The following ATXN2 variants were observed in gnomAD, a reference collection of about 807,000 sequenced individuals.
ATXN2 encodes ataxin 2.
Under a neutral mutation model 138.6 loss-of-function variants are expected in ATXN2, and 37 were observed. That is an observed-to-expected ratio of 0.27 (90% confidence interval 0.21 to 0.35). The LOEUF is 0.35. Ranked by LOEUF, ATXN2 falls within the 10% of genes least tolerant of loss-of-function variation. The pLI is 1.00. For missense variants in ATXN2, 1,216 were observed against 1,480.3 expected, an observed-to-expected ratio of 0.82 and a Z score of 2.93; for synonymous variants, 549 against 543.7, an observed-to-expected ratio of 1.01 and a Z score of -0.13.
At chr12:111,532,768 G>A (rs1354054363) in intron 5 of ATXN2, among the ~76,000 whole-genome samples, 1 of 150,946 alleles carries the variant, frequency 6.6e-6, no homozygotes, top group Non-Finnish European at 1.5e-5. Context: ...CTGACAAGCA[G>A]GAAGAAAGAG....
chr12:111,478,322 C>T (rs1298741953), intron 18 of ATXN2, among the ~76,000 whole-genome samples: 5 of 152,082 alleles, frequency 3.3e-5, no homozygotes, highest in African/African-American at 1.2e-4. Context: ...GTAAGAATTG[C>T]TTGAACCTGG....
In ATXN2 at chr12:111,516,329, G is replaced by A. The variant is rs764264233; in HGVS notation, c.1200C>T (p.Ser400=). The change falls in exon 10 of 25, where the codon TCC becomes TCT. Residue 400 remains serine (S), a synonymous_variant. Transcript: ENST00000673436. The surrounding 1 kb of genome is among the most constrained non-coding windows in gnomAD (Gnocchi z 5.0). ...VPWPSPCPSP[S]SRPPSRYQSG... Reference sequence around the variant, plus strand: ...ACTGGTAGCGAGAAGGTGGGCGAGAGGAAGGAGATGGGCAAGGCGATGGCC... The same window carrying A: ...ACTGGTAGCGAGAAGGTGGGCGAGAAGAAGGAGATGGGCAAGGCGATGGCC... The A allele has an allele frequency of 3.2e-5, 50 of 1,585,034 alleles. No individual in the cohort carries two copies. The highest frequency in any genetic ancestry group is 6.9e-5 in the East Asian group (3 of 43,222).
At chr12:111,522,235 A>T (rs1880200567) in intron 6 of ATXN2, among the ~76,000 whole-genome samples, 3 of 152,022 alleles carry the variant, frequency 2.0e-5, no homozygotes, top group Admixed American at 2.0e-4. Flanking sequence ...ACATAAAAAA[A>T]AAAAAAAAAA....
At chr12:111,482,834 A>T (rs1877343340) in intron 18 of ATXN2, 1 of 140,676 alleles carries the variant, frequency 7.1e-6, no homozygotes, top group East Asian at 2.0e-4. Context: ...TTCCAAGGCT[A>T]AAAAAAAAAA....
At chr12:111,455,754 G>C in intron 23 of ATXN2, 1 of 529,992 alleles carries the variant, frequency 1.9e-6, no homozygotes, top group Non-Finnish European at 3.4e-6. Flanking sequence ...GACACAGAAA[G>C]GAAAGAAGGA....
intron 9 of ATXN2, among the ~76,000 whole-genome samples, chr12:111,517,690 C>G (rs1002002114): frequency 6.6e-6 from 1 of 152,068 alleles, no homozygotes; most frequent in African/African-American, 2.4e-5. Flanking sequence ...CTGTAACATC[C>G]ACCCTTAGAC....
At chr12:111,507,546 C>G (rs1879231249) in intron 14 of ATXN2, among the ~76,000 whole-genome samples, 1 of 148,786 alleles carries the variant, frequency 6.7e-6, no homozygotes, top group African/African-American at 2.5e-5. Context: ...GGTGGGGGGT[C>G]AGCCCCCGCC....
intron 14 of ATXN2, among the ~76,000 whole-genome samples, chr12:111,507,715 G>GA (rs1879248728): frequency 6.6e-6 from 1 of 152,282 alleles, no homozygotes; most frequent in Non-Finnish European, 1.5e-5. Context: ...TTGTGGAATA[G>GA]AAAAGGGGGA....
intron 1 of ATXN2, among the ~76,000 whole-genome samples, chr12:111,588,343 T>C (rs1884450719): frequency 6.6e-6 from 1 of 152,014 alleles, no homozygotes; most frequent in Admixed American, 6.6e-5. Flanking sequence ...CAAACACAAA[T>C]AATTACCAGC....
chr12:111,599,486 C>T, upstream of ATXN2: 2 of 1,215,182 alleles, frequency 1.6e-6, no homozygotes. Flanking sequence ...CACCGCGGGA[C>T]TCCGAGGAGC....
At position 111,513,408 on chromosome 12, in the gene ATXN2, C is replaced by G. The variant is rs1879660073; in HGVS notation, c.1507G>C (p.Val503Leu). The change falls in exon 11 of 25, where the codon GTA (valine) becomes CTA (leucine). Residue 503 changes from valine (V) to leucine (L), a missense_variant. This residue lies in a region of ATXN2 where 215 missense variants were observed against 210.0 expected (regional missense o/e 1.02). Transcript: ENST00000673436. ...NPPSEAATPP[V>L]ARTSPSGGTW... ...CCCCCCGAGGGACTGGTCCTTGCTA[C>G]TGGAGGAGTAGCTGCTTCACTGGGT... is the stretch of plus-strand genomic sequence containing the variant. The G allele has an allele frequency of 6.2e-7, 1 of 1,613,934 alleles. No homozygotes were observed. The highest frequency in any genetic ancestry group is 1.3e-5 in the African/African-American group (1 of 74,910).
chr12:111,486,708 A>G, intron 16 of ATXN2, 53 bp downstream of exon 16: 1 of 1,462,360 alleles, frequency 6.8e-7, no homozygotes, highest in Non-Finnish European at 9.5e-7. Flanking sequence ...ACTATTACTA[A>G]TAATTTTTCT....
chr12:111,554,260 A>G, intron 2 of ATXN2, 43 bp from the exon 3 acceptor site: 1 of 1,265,790 alleles, frequency 7.9e-7, no homozygotes, highest in African/African-American at 1.6e-5. Context: ...AATTAGTACA[A>G]ACTGAATCTT....
At chr12:111,550,495 T>C (rs1222170936) in intron 5 of ATXN2, among the ~76,000 whole-genome samples, 1 of 151,936 alleles carries the variant, frequency 6.6e-6, no homozygotes, top group Non-Finnish European at 1.5e-5. Flanking sequence ...CTTTCCAGAG[T>C]GCTATGTATT....
chr12:111,574,483 A>G (rs1202383692), intron 1 of ATXN2, among the ~76,000 whole-genome samples: 3 of 151,762 alleles, frequency 2.0e-5, no homozygotes, highest in Admixed American at 1.3e-4. Flanking sequence ...GATGGTATAC[A>G]GTGGCGCAAT....
chr12:111,592,008 G>T (rs1884689454), intron 1 of ATXN2, among the ~76,000 whole-genome samples: 2 of 151,572 alleles, frequency 1.3e-5, no homozygotes, highest in South Asian at 4.2e-4. Context: ...CTTGAACCCG[G>T]GAAACAGAGG....
rs1231856593 is a variant in ATXN2, at chr12:111,452,231, TTTTA to T, written c.*577_*580del. On this transcript the variant is annotated 3_prime_UTR_variant, in exon 25 of 25. Coordinates refer to ENST00000673436, the MANE Select transcript of ATXN2 (RefSeq NM_001372574.1). Reference sequence around the variant, plus strand: ...TAACTTGATCAGTTTTTAAAACTTTTTTTATTTTTTAAATTTTTTTTAAGTTTTT... The same window carrying T: ...TAACTTGATCAGTTTTTAAAACTTTTTTTTTTAAATTTTTTTTAAGTTTTT... The T allele has an allele frequency of 6.6e-6, 1 of 152,448 alleles. No individual in the cohort carries two copies. The highest frequency in any genetic ancestry group is 1.5e-5 in the Non-Finnish European group (1 of 68,046). 9.4% of individuals were successfully genotyped at this position (152,448 alleles called of 1,614,324 possible).
At chr12:111,489,000 A>G (rs1485078637) in intron 14 of ATXN2, among the ~76,000 whole-genome samples, 1 of 152,172 alleles carries the variant, frequency 6.6e-6, no homozygotes, top group East Asian at 1.9e-4. Flanking sequence ...CCTAGCCTCT[A>G]AAGTTCAATA....
chr12:111,579,725 G>A (rs1340008625), intron 1 of ATXN2, among the ~76,000 whole-genome samples: 1 of 143,448 alleles, frequency 7.0e-6, no homozygotes, highest in Non-Finnish European at 1.5e-5. Context: ...TGAGATAAGA[G>A]TCTCACTATG....
Sources: allele counts gnomAD v4.1 joint callset (sites outside exome capture counted in the v4.1 genomes callset), GRCh38; gene constraint gnomAD v4.1.1; regional missense constraint gnomAD v4.1.1; non-coding constraint Gnocchi (gnomAD v3.1); transcripts MANE v1.5; gene names NCBI Gene and HGNC (gene_info 2026-07-23, HGNC 2026-07-21).